Variants in BCKDHB observed in about 807,000 individuals in gnomAD.
The protein encoded by BCKDHB is 2-oxoisovalerate dehydrogenase subunit beta, mitochondrial.
Under a neutral mutation model 48.5 loss-of-function variants are expected in BCKDHB, and 41 were observed. The ratio of observed to expected loss-of-function variants is 0.85; its 90% CI spans 0.66 to 1.10. BCKDHB has a LOEUF of 1.10. BCKDHB is among the 50% of genes least tolerant of loss of function. The pLI is 0.00. For missense variants in BCKDHB, 496 were observed against 494.2 expected (o/e 1.00, Z -0.03); for synonymous variants, 201 against 174.8 (o/e 1.15, Z -1.18).
chr6:80,159,346 T>TAA (rs777412801), intron 3 of BCKDHB, among the ~76,000 whole-genome samples: 1 of 151,648 alleles, frequency 6.6e-6, no homozygotes, highest in South Asian at 2.1e-4. Context: ...GAGACTAGAT[T>TAA]AAAAAAAAAT....
intron 6 of BCKDHB, among the ~76,000 whole-genome samples, chr6:80,177,005 G>A (rs776779302): frequency 1.3e-5 from 2 of 151,666 alleles, no homozygotes; most frequent in Admixed American, 6.6e-5. Flanking sequence ...TGGGAGGATC[G>A]CTTGAGCCCA....
At chr6:80,188,662 A>G (rs1773760041) in intron 6 of BCKDHB, among the ~76,000 whole-genome samples, 1 of 151,870 alleles carries the variant, frequency 6.6e-6, no homozygotes, top group African/African-American at 2.4e-5. Context: ...AAAACCCCAA[A>G]ACCCAAAAAA....
chr6:80,300,805 C>T (rs1460130301), intron 9 of BCKDHB, among the ~76,000 whole-genome samples: 1 of 152,156 alleles, frequency 6.6e-6, no homozygotes, highest in East Asian at 1.9e-4. Flanking sequence ...TCATACCAAG[C>T]ATATTCTCAG....
rs773031829 is a variant in BCKDHB at position 80,106,864 on chromosome 6, G to A, written c.171G>A (p.Gln57=). ...QRRQVAHFTF[Q]PDPEPREYGQ... is the part of the protein sequence containing the mutation. ...GGCAGGTGGCTCATTTTACTTTCCAGCCAGATCCGGAGCCCCGGGAGTACG... is the reference window on the plus strand; with the variant it reads ...GGCAGGTGGCTCATTTTACTTTCCAACCAGATCCGGAGCCCCGGGAGTACG... The change falls in exon 1 of 10, where the codon CAG becomes CAA. Residue 57 remains glutamine (Q), a synonymous_variant. Coordinates refer to ENST00000320393, the MANE Select transcript of BCKDHB (RefSeq NM_183050.4). 1 of 1,609,354 alleles carries A rather than the reference G, an allele frequency of 6.2e-7. No homozygotes were observed. Among genetic ancestry groups the A allele is most frequent in the South Asian group, 1.1e-5 (1 of 90,374 alleles).
the BCKDHB span, among the ~76,000 whole-genome samples, chr6:80,362,946 A>T: frequency 6.6e-6 from 1 of 152,164 alleles, no homozygotes; most frequent in Non-Finnish European, 1.5e-5. Flanking sequence ...TCTAAAGAAG[A>T]CTAAAATTCT....
At chr6:80,186,603 C>G (rs1203548572) in intron 6 of BCKDHB, among the ~76,000 whole-genome samples, 1 of 152,188 alleles carries the variant, frequency 6.6e-6, no homozygotes, top group Non-Finnish European at 1.5e-5. Flanking sequence ...TTCCCATTTG[C>G]CCCCTGGACT....
chr6:80,158,375 C>T (rs770962191), intron 3 of BCKDHB, among the ~76,000 whole-genome samples: 3 of 152,136 alleles, frequency 2.0e-5, no homozygotes, highest in Non-Finnish European at 4.4e-5. Flanking sequence ...AGGGTAGAAT[C>T]TGTAGGACAA....
At chr6:80,354,234 TA>T in the BCKDHB span, among the ~76,000 whole-genome samples, 3 of 151,390 alleles carry the variant, frequency 2.0e-5, no homozygotes, top group African/African-American at 4.9e-5. Context: ...TTTATTTATT[TA>T]TTTATTTTTT....
chr6:80,380,988 G>C, the BCKDHB span, among the ~76,000 whole-genome samples: 2 of 151,980 alleles, frequency 1.3e-5, no homozygotes, highest in Non-Finnish European at 2.9e-5. Flanking sequence ...TCTGTGAAGA[G>C]AGGGGATTTT....
At chr6:80,232,798 AGTGT>A (rs1775987636) in intron 8 of BCKDHB, among the ~76,000 whole-genome samples, 1 of 150,830 alleles carries the variant, frequency 6.6e-6, no homozygotes, top group Non-Finnish European at 1.5e-5. Flanking sequence ...TATGTATGAG[AGTGT>A]GTGTATGTGT....
At chr6:80,315,788 T>G (rs1768417180) in intron 9 of BCKDHB, among the ~76,000 whole-genome samples, 1 of 152,108 alleles carries the variant, frequency 6.6e-6, no homozygotes, top group African/African-American at 2.4e-5. Context: ...CTGGCCTGTT[T>G]CCTTCGTCTA....
At chr6:80,197,979 C>T (rs1179999001) in intron 6 of BCKDHB, among the ~76,000 whole-genome samples, 1 of 150,210 alleles carries the variant, frequency 6.7e-6, no homozygotes, top group East Asian at 2.0e-4. Flanking sequence ...TCCATCCATC[C>T]GTCTATGCAT....
rs117151429 is a variant in BCKDHB, at chr6:80,142,618, A to G, written c.343+13389A>G. On this transcript the variant is annotated intron_variant, in intron 3 of 9. Coordinates refer to ENST00000320393, the MANE Select transcript of BCKDHB (RefSeq NM_183050.4). Reference sequence around the variant, plus strand: ...GAAAAATACAGTAGTGCTTACTCTGACTCTCTCTATTCATGCTTTTGATTA... The same window carrying G: ...GAAAAATACAGTAGTGCTTACTCTGGCTCTCTCTATTCATGCTTTTGATTA... 7.0e-4 allele frequency among the ~76,000 whole-genome samples: 106 copies of G among 152,002 alleles called. 1 individual carries two copies. In the East Asian group the frequency reaches 0.014, roughly 21 times the overall value.
chr6:80,123,430 A>G (rs1433947766), intron 1 of BCKDHB, among the ~76,000 whole-genome samples: 1 of 152,142 alleles, frequency 6.6e-6, no homozygotes, highest in African/African-American at 2.4e-5. Context: ...CAGTCCCTCC[A>G]TTTGGGATCC....
At chr6:80,264,994 C>T (rs1777454370) in intron 8 of BCKDHB, among the ~76,000 whole-genome samples, 2 of 152,122 alleles carry the variant, frequency 1.3e-5, no homozygotes, top group South Asian at 4.1e-4. Context: ...AAATACAAAT[C>T]ACAATCACAA....
At position 80,293,419 on chromosome 6, in the gene BCKDHB, C is replaced by A. The variant is rs114187563; in HGVS notation, c.1038+20198C>A. On this transcript the variant is annotated intron_variant, in intron 9 of 9. Transcript: ENST00000320393. ...AGCCACAGCCCAAGCTGTGCCTTGG[C>A]CCCTTTTAGCCACAGCTGGAGTGGC... 6.1e-3 allele frequency among the ~76,000 whole-genome samples: 926 copies of A among 152,320 alleles called. 10 individuals are homozygous for A. Among genetic ancestry groups the A allele is most frequent in the African/African-American group, 0.021 (890 of 41,584 alleles).
the BCKDHB span, among the ~76,000 whole-genome samples, chr6:80,384,498 A>G: frequency 6.6e-6 from 1 of 152,024 alleles, no homozygotes; most frequent in African/African-American, 2.4e-5. Flanking sequence ...AGGTGGGACT[A>G]CAGGCCCCTG....
chr6:80,108,424 T>C (rs916577441), intron 1 of BCKDHB, among the ~76,000 whole-genome samples: 1 of 151,480 alleles, frequency 6.6e-6, no homozygotes, highest in African/African-American at 2.4e-5. Flanking sequence ...CAACTTTCCA[T>C]AGTTGTAAAC....
chr6:80,303,605 T>G (rs1231914477), intron 9 of BCKDHB, among the ~76,000 whole-genome samples: 1 of 152,086 alleles, frequency 6.6e-6, no homozygotes, highest in African/African-American at 2.4e-5. Context: ...AAATAGATTA[T>G]AAATCCGTGT....
Sources: gnomAD v4.1 joint callset for allele counts (sites outside exome capture counted in the v4.1 genomes callset) on GRCh38, gnomAD v4.1.1 for gene constraint, MANE v1.5 for transcripts, NCBI Gene and HGNC (gene_info 2026-07-23, HGNC 2026-07-21) for gene names.